IGSF10: variants seen among roughly 807,000 people sequenced by gnomAD.
IGSF10 encodes the protein immunoglobulin superfamily member 10.
Under a neutral mutation model 128.2 loss-of-function variants are expected in IGSF10, and 126 were observed. The ratio of observed to expected loss-of-function variants is 0.98; its 90% CI spans 0.85 to 1.14. The LOEUF (loss-of-function observed/expected upper bound fraction) is 1.14. Among genes scored for constraint, IGSF10 ranks in the 50% most tolerant of loss-of-function variants. IGSF10 has a pLI of 0.00. For synonymous variants in IGSF10, 1,185 were observed against 1,146.2 expected, an observed-to-expected ratio of 1.03 and a Z score of -0.68; for missense variants, 3,295 against 3,149.8, an observed-to-expected ratio of 1.05 and a Z score of -1.10.
chr3:151,535,603 A>G, the IGSF10 span, among the ~76,000 whole-genome samples: 1 of 152,206 alleles, frequency 6.6e-6, no homozygotes, highest in Non-Finnish European at 1.5e-5. Flanking sequence ...ATAAAAGTTA[A>G]AATTATTTTA....
At chr3:151,529,327 G>A in the IGSF10 span, among the ~76,000 whole-genome samples, 7 of 152,162 alleles carry the variant, frequency 4.6e-5, no homozygotes, top group Admixed American at 3.3e-4. Context: ...GGAGAGCAGC[G>A]GATCTCCCAG....
the IGSF10 span, among the ~76,000 whole-genome samples, chr3:151,551,927 T>A: frequency 6.6e-6 from 1 of 152,134 alleles, no homozygotes; most frequent in Non-Finnish European, 1.5e-5. Flanking sequence ...AACAGGACAA[T>A]AATGCCATTG....
At chr3:151,494,748 G>A in the IGSF10 span, among the ~76,000 whole-genome samples, 1 of 151,990 alleles carries the variant, frequency 6.6e-6, no homozygotes, top group South Asian at 2.1e-4. Flanking sequence ...TAATTCTCTT[G>A]TTCTTCGATG....
At chr3:151,558,538 C>T in the IGSF10 span, among the ~76,000 whole-genome samples, 7 of 150,954 alleles carry the variant, frequency 4.6e-5, no homozygotes, top group Non-Finnish European at 1.0e-4. Flanking sequence ...TTTTTGAGAC[C>T]GAGTCTTGCT....
At chr3:151,442,066 A>G (rs1720890336) in intron 7 of IGSF10, among the ~76,000 whole-genome samples, 2 of 152,198 alleles carry the variant, frequency 1.3e-5, no homozygotes. Context: ...GTCTCAAAAA[A>G]TATATATATT....
chr3:151,525,210 A>G, the IGSF10 span, among the ~76,000 whole-genome samples: 1 of 151,610 alleles, frequency 6.6e-6, no homozygotes, highest in African/African-American at 2.4e-5. Context: ...CATCTTTAAC[A>G]CAAAACTATT....
the IGSF10 span, among the ~76,000 whole-genome samples, chr3:151,514,145 A>T: frequency 6.6e-6 from 1 of 152,136 alleles, no homozygotes; most frequent in Admixed American, 6.6e-5. Flanking sequence ...TGGAACCAAA[A>T]AAGAGCCCGC....
chr3:151,549,935 C>T, the IGSF10 span, among the ~76,000 whole-genome samples: 1 of 151,744 alleles, frequency 6.6e-6, no homozygotes, highest in African/African-American at 2.4e-5. Flanking sequence ...TTAATAACAG[C>T]CTCTGAAAAA....
At chr3:151,517,314 T>G in the IGSF10 span, among the ~76,000 whole-genome samples, 1 of 152,024 alleles carries the variant, frequency 6.6e-6, no homozygotes, top group African/African-American at 2.4e-5. Context: ...ACAAAGAGAC[T>G]GCTTAAAGTG....
chr3:151,535,277 GAAAA>G, the IGSF10 span, among the ~76,000 whole-genome samples: 1 of 151,794 alleles, frequency 6.6e-6, no homozygotes, highest in Non-Finnish European at 1.5e-5. Flanking sequence ...CCAAATAAAA[GAAAA>G]AAAATAACAA....
chr3:151,603,218 G>C, the IGSF10 span, among the ~76,000 whole-genome samples: 84 of 152,290 alleles, frequency 5.5e-4, no homozygotes, highest in African/African-American at 1.9e-3. Context: ...AAAACAGAAG[G>C]CCTCACTGTG....
At chr3:151,526,946 T>C in the IGSF10 span, among the ~76,000 whole-genome samples, 1 of 152,132 alleles carries the variant, frequency 6.6e-6, no homozygotes, top group African/African-American at 2.4e-5. Context: ...GAAGGAGAAG[T>C]TCATGTAGCT....
chr3:151,612,226 GTACAC>G, the IGSF10 span, among the ~76,000 whole-genome samples: 8 of 152,082 alleles, frequency 5.3e-5, no homozygotes, highest in Admixed American at 5.2e-4. Context: ...TGAAATCTCA[GTACAC>G]CAAGAAAACT....
Position 151,438,524 on chromosome 3 carries a change from C to T in IGSF10, c.6037G>A (p.Val2013Ile). Residue 2013 changes from valine to isoleucine, a missense_variant, in exon 8 of 8, where the codon GTC becomes ATC. Val to Ile is a conservative substitution (Grantham distance 29, BLOSUM62 3). Coordinates refer to ENST00000282466, the MANE Select transcript of IGSF10 (RefSeq NM_178822.5). ...TTGTTTCTTGCCACACACAAGTAGACACCACTGTCTTTTTCTGTTACTGAT... is the reference window on the plus strand; with the variant it reads ...TTGTTTCTTGCCACACACAAGTAGATACCACTGTCTTTTTCTGTTACTGAT... ...IGSVTEKDSG[V>I]YLCVARNKMG... 1 of 1,614,062 alleles carries T rather than the reference C, an allele frequency of 6.2e-7. No homozygotes were observed. Among genetic ancestry groups the T allele is most frequent in the Non-Finnish European group, 8.5e-7 (1 of 1,180,030 alleles).
At chr3:151,444,800 T>C (rs550421130) in intron 6 of IGSF10, 119 bp downstream of exon 6, 94 of 893,548 alleles carry the variant, frequency 1.1e-4, no homozygotes, top group Non-Finnish European at 1.5e-4. Flanking sequence ...ATTAATAGTT[T>C]CTTTGTCTTA....
At chr3:151,441,784 A>G (rs541200236) in intron 7 of IGSF10, among the ~76,000 whole-genome samples, 34 of 152,370 alleles carry the variant, frequency 2.2e-4, no homozygotes, top group African/African-American at 5.0e-4. Flanking sequence ...TATTGAGGCC[A>G]GGCACGGTGG....
the IGSF10 span, among the ~76,000 whole-genome samples, chr3:151,466,867 T>C: frequency 6.6e-6 from 1 of 152,116 alleles, no homozygotes; most frequent in Non-Finnish European, 1.5e-5. Context: ...TAGTGAGCCA[T>C]TATGCCTGGC....
chr3:151,539,235 C>T, the IGSF10 span, among the ~76,000 whole-genome samples: 113 of 152,294 alleles, frequency 7.4e-4, 1 homozygote, highest in East Asian at 0.02. Flanking sequence ...TCCAGACAAA[C>T]GCTCTGCTTC....
chr3:151,434,702 C>T (rs1719900312), downstream of IGSF10: 1 of 152,180 alleles, frequency 6.6e-6, no homozygotes, highest in Non-Finnish European at 1.5e-5. Context: ...AGTCATGTTC[C>T]ATCATTATTT....
Sources: allele counts gnomAD v4.1 joint callset (sites outside exome capture counted in the v4.1 genomes callset), GRCh38; gene constraint gnomAD v4.1.1; transcripts MANE v1.5; gene names NCBI Gene and HGNC (gene_info 2026-07-23, HGNC 2026-07-21).